The following WDPCP variants were observed in gnomAD, a reference collection of about 807,000 sequenced individuals.
The protein encoded by WDPCP is WD repeat-containing and planar cell polarity effector protein fritz homolog.
WDPCP carries 71 observed loss-of-function variants against 93.1 expected under a neutral mutation model. The observed-to-expected ratio is 0.76, with a 90% CI of 0.63 to 0.93. The LOEUF is 0.93. Ranked by LOEUF, WDPCP falls within the 40% of genes least tolerant of loss-of-function variation. The pLI is 0.00. For synonymous variants in WDPCP, 315 were observed against 315.0 expected (o/e 1.00, Z 0.00); for missense variants, 844 against 887.4 (o/e 0.95, Z 0.62).
intron 2 of WDPCP, among the ~76,000 whole-genome samples, chr2:63,800,307 G>A (rs1440137213): frequency 6.6e-6 from 1 of 152,108 alleles, no homozygotes; most frequent in Non-Finnish European, 1.5e-5. Context: ...GAGTAACGGA[G>A]CTCCGTACAG....
chr2:63,317,675 T>A (rs959945517), intron 12 of WDPCP, among the ~76,000 whole-genome samples: 1 of 152,188 alleles, frequency 6.6e-6, no homozygotes, highest in African/African-American at 2.4e-5. Context: ...AATGACCTCC[T>A]ATTTAATAAA....
At chr2:63,321,324 GTA>G (rs57474105) in intron 12 of WDPCP, among the ~76,000 whole-genome samples, 115,429 of 148,432 alleles carry the variant, frequency 0.78, 45,275 homozygotes, top group East Asian at 0.96. Flanking sequence ...TATTATCAGA[GTA>G]TATATATATA....
chr2:63,832,868 CAAT>C, the WDPCP span, among the ~76,000 whole-genome samples: 2 of 152,120 alleles, frequency 1.3e-5, no homozygotes, highest in South Asian at 2.1e-4. Context: ...CAATTAATAA[CAAT>C]AACTTGAGAT....
At chr2:63,267,961 C>T (rs189471637) in intron 13 of WDPCP, among the ~76,000 whole-genome samples, 15 of 152,100 alleles carry the variant, frequency 9.9e-5, no homozygotes, top group South Asian at 4.2e-4. Flanking sequence ...CTAGCAATTG[C>T]GCTTCTGGGT....
chr2:63,509,052 G>A (rs555003555), intron 1 of WDPCP, among the ~76,000 whole-genome samples: 12 of 152,212 alleles, frequency 7.9e-5, no homozygotes, highest in Middle Eastern at 6.8e-3. Context: ...AGGATATACA[G>A]GACTTGAACT....
At chr2:63,188,940 G>A (rs1408011157) in intron 14 of WDPCP, among the ~76,000 whole-genome samples, 2 of 152,100 alleles carry the variant, frequency 1.3e-5, no homozygotes, top group East Asian at 3.9e-4. Flanking sequence ...CTTTTACTTA[G>A]GGGAAAACTG....
chr2:63,371,103 C>T (rs10167200), intron 12 of WDPCP, among the ~76,000 whole-genome samples: 83,509 of 151,850 alleles, frequency 0.55, 23,288 homozygotes, highest in Admixed American at 0.63. Flanking sequence ...AAACCAAACT[C>T]CTGGTCTTTT....
At chr2:63,195,560 G>C (rs975689388) in intron 14 of WDPCP, among the ~76,000 whole-genome samples, 1 of 152,046 alleles carries the variant, frequency 6.6e-6, no homozygotes, top group African/African-American at 2.4e-5. Flanking sequence ...CTGGGCTTAA[G>C]TGATCCTCCT....
chr2:63,823,166 A>T (rs1278521463), intron 1 of WDPCP, among the ~76,000 whole-genome samples: 2 of 151,030 alleles, frequency 1.3e-5, no homozygotes, highest in Non-Finnish European at 3.0e-5. Flanking sequence ...ACCTCAATTT[A>T]AAAAATTTCA....
At chr2:63,159,936 T>C (rs1174158150) in intron 15 of WDPCP, among the ~76,000 whole-genome samples, 1 of 152,226 alleles carries the variant, frequency 6.6e-6, no homozygotes, top group African/African-American at 2.4e-5. Flanking sequence ...TTTGGTGCTT[T>C]CTGGATCCAG....
rs1486862656 is a variant in WDPCP, at chr2:63,734,782, AT to A, written n.308+78839del. 2.6e-5 allele frequency among the ~76,000 whole-genome samples: 4 copies of A among 152,154 alleles called. No individual in the cohort carries two copies. The East Asian group carries it at 5.8e-4, about 22-fold the overall frequency. On this transcript the variant is annotated intron_variant and non_coding_transcript_variant, in intron 2 of 4. Transcript: ENST00000467687. The stretch of plus-strand genomic sequence containing the variant: ...GCAGTTTAAGTTATTGCACCTTTTT[AT>A]TTTTTTTCTTAGTTTTCCTCACTGA...
chr2:63,132,627 G>A (rs1670364522), intron 17 of WDPCP, among the ~76,000 whole-genome samples: 1 of 150,514 alleles, frequency 6.6e-6, no homozygotes, highest in African/African-American at 2.5e-5. Context: ...TCCCTCTAGT[G>A]AATTTTTAAG....
chr2:63,338,869 TG>T (rs796393683), intron 12 of WDPCP, among the ~76,000 whole-genome samples: 2 of 151,778 alleles, frequency 1.3e-5, no homozygotes, highest in African/African-American at 4.8e-5. Flanking sequence ...CAGGGTCTTC[TG>T]TGGTTCCATA....
intron 13 of WDPCP, among the ~76,000 whole-genome samples, chr2:63,278,559 G>A (rs1400345092): frequency 1.3e-5 from 2 of 152,194 alleles, no homozygotes. Context: ...TGGGCACGGT[G>A]GCTCATGCCT....
At chr2:63,806,678 T>C (rs958849860) in intron 2 of WDPCP, among the ~76,000 whole-genome samples, 3 of 152,146 alleles carry the variant, frequency 2.0e-5, no homozygotes, top group Admixed American at 2.0e-4. Context: ...AGGGGGTCAG[T>C]TCAGAGACCC....
chr2:63,541,050 T>C (rs764919757), intron 1 of WDPCP, among the ~76,000 whole-genome samples: 15 of 152,070 alleles, frequency 9.9e-5, no homozygotes, highest in Non-Finnish European at 1.6e-4. Flanking sequence ...TCTCGGCTCA[T>C]TGAAACCTTG....
intron 2 of WDPCP, among the ~76,000 whole-genome samples, chr2:63,657,203 A>AT (rs777283092): frequency 5.6e-5 from 3 of 53,526 alleles, no homozygotes; most frequent in South Asian, 8.2e-4. Context: ...GTTCTGGGTG[A>AT]TGTTTTTTTT....
At chr2:63,666,324 G>A (rs1558879216) in intron 2 of WDPCP, among the ~76,000 whole-genome samples, 1 of 152,168 alleles carries the variant, frequency 6.6e-6, no homozygotes. Flanking sequence ...CTAGCAGGAA[G>A]GAGTTAGGAT....
intron 1 of WDPCP, among the ~76,000 whole-genome samples, chr2:63,582,226 A>G (rs1233994785): frequency 6.6e-6 from 1 of 152,160 alleles, no homozygotes; most frequent in Non-Finnish European, 1.5e-5. Context: ...ATTTTTTAAA[A>G]GACCCAAATC....
Sources: gnomAD v4.1 joint callset for allele counts (sites outside exome capture counted in the v4.1 genomes callset) on GRCh38, gnomAD v4.1.1 for gene constraint, MANE v1.5 for transcripts, NCBI Gene and HGNC (gene_info 2026-07-23, HGNC 2026-07-21) for gene names.